The following USP37 variants were observed in gnomAD, a reference collection of about 807,000 sequenced individuals.
The protein encoded by USP37 is ubiquitin carboxyl-terminal hydrolase 37.
In USP37, 27 loss-of-function variants were observed where a neutral mutation model predicts 124.0. That is an observed-to-expected ratio of 0.22 (90% CI 0.16 to 0.30). USP37 has a LOEUF of 0.30. USP37 is among the 10% of genes least tolerant of loss of function. USP37 has a pLI of 1.00. For missense variants in USP37, 889 were observed against 1,140.4 expected (o/e 0.78, Z 3.17); for synonymous variants, 365 against 388.0 (o/e 0.94, Z 0.70).
intron 5 of USP37, among the ~76,000 whole-genome samples, chr2:218,552,942 CAAAT>C (rs562566369): frequency 5.3e-4 from 69 of 129,676 alleles, no homozygotes; most frequent in East Asian, 3.3e-3. Context: ...AACAAACAAA[CAAAT>C]AAATAAATAA....
At position 218,522,789 on chromosome 2, in the gene USP37, GATTT is replaced by G. The variant is rs563894544; in HGVS notation, c.863+7163_863+7166del. On this transcript the variant is annotated intron_variant, in intron 10 of 25. Transcript: ENST00000258399. ...TAGATTTATTCCTATCTATCTCACT[GATTT>G]TGTAGTTCTTATAAATAGTACAGGT... Among the ~76,000 whole-genome samples, 31 of 151,852 alleles carry G rather than the reference GATTT, an allele frequency of 2.0e-4. 1 individual carries two copies. In the East Asian group the frequency reaches 5.1e-3, roughly 25 times the overall value.
At chr2:218,551,434 T>A (rs1271991994) in intron 5 of USP37, among the ~76,000 whole-genome samples, 1 of 152,218 alleles carries the variant, frequency 6.6e-6, no homozygotes, top group Non-Finnish European at 1.5e-5. Flanking sequence ...GAGCTCTCAT[T>A]CTTTAAGAAG....
chr2:218,500,010 C>G (rs1412027934), intron 11 of USP37, among the ~76,000 whole-genome samples: 1 of 152,094 alleles, frequency 6.6e-6, no homozygotes, highest in African/African-American at 2.4e-5. Context: ...CTCAAGCAAT[C>G]CTCCTTCCTT....
intron 23 of USP37, among the ~76,000 whole-genome samples, chr2:218,459,555 A>T (rs1253377606): frequency 1.3e-5 from 2 of 152,188 alleles, no homozygotes; most frequent in Non-Finnish European, 2.9e-5. Flanking sequence ...CTTACCTAAC[A>T]TGCATGTAAA....
chr2:218,509,025 T>C (rs1689835837), intron 11 of USP37, among the ~76,000 whole-genome samples: 1 of 152,202 alleles, frequency 6.6e-6, no homozygotes, highest in South Asian at 2.1e-4. Flanking sequence ...ACAATTTTAC[T>C]TCCGACAATT....
intron 10 of USP37, among the ~76,000 whole-genome samples, chr2:218,511,483 T>C (rs1391806719): frequency 6.6e-6 from 1 of 152,186 alleles, no homozygotes; most frequent in East Asian, 1.9e-4. Context: ...TTACTTTTTG[T>C]ATTTTTAGTA....
intron 15 of USP37, among the ~76,000 whole-genome samples, chr2:218,487,589 T>C (rs975457247): frequency 6.6e-6 from 1 of 152,048 alleles, no homozygotes; most frequent in African/African-American, 2.4e-5. Context: ...CCCAGCTATT[T>C]TTTGTATTTT....
At chr2:218,526,483 G>A (rs1420506420) in intron 10 of USP37, among the ~76,000 whole-genome samples, 1 of 151,858 alleles carries the variant, frequency 6.6e-6, no homozygotes, top group Non-Finnish European at 1.5e-5. Context: ...AGGTTTTTGA[G>A]GAATGGCCAC....
chr2:218,561,652 GAAA>G (rs34361610), intron 2 of USP37, among the ~76,000 whole-genome samples: 2 of 135,614 alleles, frequency 1.5e-5, no homozygotes, highest in Non-Finnish European at 3.2e-5. Flanking sequence ...CTCTGTCTCA[GAAA>G]AAAAAAAAAA....
intron 20 of USP37, among the ~76,000 whole-genome samples, chr2:218,467,974 A>G (rs1490403469): frequency 2.0e-5 from 3 of 148,994 alleles, no homozygotes; most frequent in Admixed American, 6.7e-5. Flanking sequence ...TGCAACCTCC[A>G]CCTTCTAGGT....
At chr2:218,521,848 C>T (rs993766938) in intron 10 of USP37, among the ~76,000 whole-genome samples, 3 of 152,080 alleles carry the variant, frequency 2.0e-5, no homozygotes, top group South Asian at 4.1e-4. Context: ...TCTAATGCAT[C>T]CCCTGTAATA....
Position 218,464,676 on chromosome 2 carries a change from A to T in USP37, c.2467-1310T>A, listed in dbSNP as rs79919824. Among the ~76,000 whole-genome samples, 274 of 152,378 alleles carry T rather than the reference A, an allele frequency of 1.8e-3. 1 individual carries two copies. The highest frequency in any genetic ancestry group is 0.014 in the Middle Eastern group (4 of 294). On this transcript the variant is annotated intron_variant, in intron 21 of 25. Coordinates refer to ENST00000258399, the MANE Select transcript of USP37 (RefSeq NM_020935.3). Reference sequence around the variant, plus strand: ...GCACAGGATTAGATAACTATGAAAAATCAGACCTGTAAGTCAGATCCTGTT... The same window carrying T: ...GCACAGGATTAGATAACTATGAAAATTCAGACCTGTAAGTCAGATCCTGTT...
intron 6 of USP37, among the ~76,000 whole-genome samples, chr2:218,547,618 T>C (rs1692431979): frequency 1.4e-5 from 2 of 145,152 alleles, no homozygotes; most frequent in South Asian, 4.3e-4. Context: ...CACACAGACA[T>C]GGCTCTAGTG....
At position 218,534,630 on chromosome 2, in the gene USP37, A is replaced by G. The variant is rs1359428540; in HGVS notation, c.757T>C (p.Ser253Pro). ...TTACCTGATGTCCTATTCTCTTCTGACTGTTTCAAACTCAGCTGCTTTTCT... is the reference window on the plus strand; with the variant it reads ...TTACCTGATGTCCTATTCTCTTCTGGCTGTTTCAAACTCAGCTGCTTTTCT... ...SREKQLSLKQ[S>P]EENRTSGLLP... Residue 253 changes from serine to proline, a missense_variant, in exon 9 of 26, where the codon TCA (serine) becomes CCA (proline). By Grantham distance (74) the Ser-to-Pro change is moderately conservative (BLOSUM62 -1). This residue lies in a region of USP37 where 374 missense variants were observed against 386.0 expected (regional missense o/e 0.97). Transcript: ENST00000258399. 6.2e-7 allele frequency: 1 copy of G among 1,608,994 alleles called. No individual in the cohort carries two copies. Among genetic ancestry groups the G allele is most frequent in the Admixed American group, 1.7e-5 (1 of 59,338 alleles).
At chr2:218,563,883 C>T (rs372143594) in intron 1 of USP37, among the ~76,000 whole-genome samples, 1 of 151,968 alleles carries the variant, frequency 6.6e-6, no homozygotes, top group African/African-American at 2.4e-5. Flanking sequence ...GTCTCGAACA[C>T]ATTGAGACCA....
At position 218,474,732 on chromosome 2, in the gene USP37, T is replaced by C; in HGVS notation, c.2197A>G (p.Thr733Ala). Residue 733 changes from threonine (T) to alanine (A), a missense_variant, in exon 20 of 26, where the codon ACT becomes GCT. This residue lies in a region of USP37 where 504 missense variants were observed against 714.3 expected (regional missense o/e 0.71). Coordinates refer to ENST00000258399, the MANE Select transcript of USP37 (RefSeq NM_020935.3). ...GCAAATCCGGTATCTGGGCTGCTAG[T>C]TGGCTTATCATCATCTTCATGACTC... ...SLSHEDDDKP[T>A]SSPDTGFAED... The C allele has an allele frequency of 5.6e-6, 9 of 1,614,158 alleles. No individual in the cohort carries two copies. Among genetic ancestry groups the C allele is most frequent in the African/African-American group, 1.3e-5 (1 of 75,034 alleles).
intron 18 of USP37, among the ~76,000 whole-genome samples, chr2:218,479,271 G>T (rs1371920642): frequency 2.0e-5 from 3 of 152,146 alleles, no homozygotes; most frequent in Non-Finnish European, 4.4e-5. Context: ...AATGTTTTGG[G>T]ATTCCATGCC....
rs138798056 is a variant in USP37 at position 218,554,568 on chromosome 2, G to A, written c.157-844C>T. Among the ~76,000 whole-genome samples the A allele has an allele frequency of 6.5e-3, 994 of 152,066 alleles. 11 individuals are homozygous for A. The highest frequency in any genetic ancestry group is 0.023 in the African/African-American group (954 of 41,488). On this transcript the variant is annotated intron_variant, in intron 4 of 25. Coordinates refer to ENST00000258399, the MANE Select transcript of USP37 (RefSeq NM_020935.3). ...TCAAGACCAGCCTGGCCAACATGGC[G>A]AAATCCCATCTCTACTAAAAAGACA...
chr2:218,517,924 G>A (rs562080813), intron 10 of USP37, among the ~76,000 whole-genome samples: 25 of 151,926 alleles, frequency 1.6e-4, no homozygotes, highest in South Asian at 2.1e-4. Flanking sequence ...CTGAGTCATC[G>A]TTCAGATCAC....
Sources: allele counts gnomAD v4.1 joint callset (sites outside exome capture counted in the v4.1 genomes callset), GRCh38; gene constraint gnomAD v4.1.1; regional missense constraint gnomAD v4.1.1; transcripts MANE v1.5; gene names NCBI Gene and HGNC (gene_info 2026-07-23, HGNC 2026-07-21).